The following DROSHA variants were observed in gnomAD, a reference collection of about 807,000 sequenced individuals.
DROSHA encodes the protein drosha ribonuclease III, also known as ribonuclease 3.
DROSHA carries 56 observed loss-of-function variants against 181.9 expected under a neutral mutation model. The observed-to-expected ratio is 0.31, with a 90% CI of 0.25 to 0.38. The LOEUF (loss-of-function observed/expected upper bound fraction) is 0.38, where lower values mean the gene tolerates loss of function less well. DROSHA is among the 10% of genes least tolerant of loss of function. DROSHA has a pLI of 1.00. For synonymous variants in DROSHA, 524 were observed against 591.2 expected, an observed-to-expected ratio of 0.89 and a Z score of 1.65; for missense variants, 1,218 against 1,743.5, an observed-to-expected ratio of 0.70 and a Z score of 5.37.
intron 2 of DROSHA, among the ~76,000 whole-genome samples, 191 bp from the exon 3 acceptor site, chr5:31,531,115 C>T (rs1330406072): frequency 6.6e-6 from 1 of 152,140 alleles, no homozygotes; most frequent in Non-Finnish European, 1.5e-5. Context: ...GATAATAAGA[C>T]ACACAGCCTG....
intron 25 of DROSHA, among the ~76,000 whole-genome samples, chr5:31,435,186 A>T (rs1031053055): frequency 2.0e-5 from 3 of 152,238 alleles, no homozygotes; most frequent in African/African-American, 7.2e-5. Flanking sequence ...ATGGAGATGG[A>T]AACATCAAAT....
chr5:31,496,844 A>C (rs1226816266), intron 11 of DROSHA, among the ~76,000 whole-genome samples: 1 of 152,230 alleles, frequency 6.6e-6, no homozygotes, highest in African/African-American at 2.4e-5. Context: ...GCCAGTGACA[A>C]CTTTCTCACT....
At chr5:31,402,635 A>G (rs1322221128) in intron 35 of DROSHA, among the ~76,000 whole-genome samples, 2 of 152,152 alleles carry the variant, frequency 1.3e-5, no homozygotes, top group Non-Finnish European at 2.9e-5. Context: ...AGGGGAGATG[A>G]CCATATAATA....
intron 20 of DROSHA, among the ~76,000 whole-genome samples, chr5:31,452,429 TC>T (rs1301670933): frequency 2.0e-5 from 3 of 152,184 alleles, no homozygotes; most frequent in African/African-American, 7.2e-5. Flanking sequence ...TTTCCTTCAA[TC>T]CCTTTTCATT....
At chr5:31,513,849 A>T (rs557841515) in intron 8 of DROSHA, among the ~76,000 whole-genome samples, 1 of 152,314 alleles carries the variant, frequency 6.6e-6, no homozygotes, top group Admixed American at 6.5e-5. Flanking sequence ...ACATTACAAC[A>T]TGCCTACTCT....
intron 34 of DROSHA, 150 bp downstream of exon 34, chr5:31,406,703 A>T: frequency 1.5e-6 from 1 of 687,134 alleles, no homozygotes; most frequent in Middle Eastern, 2.7e-4. Flanking sequence ...ATGTGGGGAC[A>T]TTAATTCCTG....
intron 19 of DROSHA, among the ~76,000 whole-genome samples, chr5:31,465,117 C>T (rs2150025104): frequency 6.6e-6 from 1 of 152,270 alleles, no homozygotes; most frequent in East Asian, 1.9e-4. Flanking sequence ...TAGTTCCCTC[C>T]TTTATAAACA....
intron 4 of DROSHA, 58 bp from the exon 5 acceptor site, chr5:31,526,970 A>G: frequency 6.7e-7 from 1 of 1,488,096 alleles, no homozygotes. Context: ...CTTACTATGT[A>G]AACAGGGTTT....
At chr5:31,525,388 C>T (rs1740407969) in intron 5 of DROSHA, among the ~76,000 whole-genome samples, 2 of 147,622 alleles carry the variant, frequency 1.4e-5, no homozygotes, top group South Asian at 4.3e-4. Context: ...CCTGTAATCC[C>T]AGCTACTTGG....
chr5:31,466,746 C>T (rs919427082), intron 18 of DROSHA, among the ~76,000 whole-genome samples: 2 of 152,180 alleles, frequency 1.3e-5, no homozygotes, highest in African/African-American at 4.8e-5. Context: ...ATAGAGAACC[C>T]CATTTGTGCC....
chr5:31,487,137 T>C (rs1264957930), intron 13 of DROSHA, among the ~76,000 whole-genome samples: 1 of 152,218 alleles, frequency 6.6e-6, no homozygotes, highest in Non-Finnish European at 1.5e-5. Context: ...TATTCATTCA[T>C]GTAACCATCA....
At chr5:31,494,113 C>T (rs976744039) in intron 12 of DROSHA, among the ~76,000 whole-genome samples, 14 of 152,098 alleles carry the variant, frequency 9.2e-5, no homozygotes, top group South Asian at 6.2e-4. Flanking sequence ...GGATTACAGG[C>T]GTGCACCACT....
chr5:31,446,695 G>C (rs1746344558), intron 23 of DROSHA, among the ~76,000 whole-genome samples: 1 of 126,512 alleles, frequency 7.9e-6, no homozygotes, highest in Non-Finnish European at 1.6e-5. Flanking sequence ...AAAAAAAAAA[G>C]GTTAAGATGG....
chr5:31,490,861 A>G (rs1210655738), intron 13 of DROSHA, among the ~76,000 whole-genome samples: 2 of 152,152 alleles, frequency 1.3e-5, no homozygotes, highest in African/African-American at 4.8e-5. Flanking sequence ...AATACAAATG[A>G]TAGGGTTTGT....
rs779446613 is a variant in DROSHA, at chr5:31,511,074, G to C, written c.1393C>G (p.Pro465Ala). The C allele has an allele frequency of 6.2e-7, 1 of 1,613,942 alleles. No homozygotes were observed. Among genetic ancestry groups the C allele is most frequent in the Non-Finnish European group, 8.5e-7 (1 of 1,179,876 alleles). The change falls in exon 9 of 36, where the codon CCG (proline) becomes GCG (alanine). Residue 465 changes from proline to alanine, a missense_variant. This residue lies in a region of DROSHA where 460 missense variants were observed against 774.2 expected (regional missense o/e 0.59). Transcript: ENST00000344624. ...AGCTTCGTCTTTGGAGGTTCCCACG[G>C]AGGCCGAGCAGCTTTGGCCTTTTCT... ...RQEKAKAARP[P>A]WEPPKTKLDE...
chr5:31,444,053 G>A (rs1745969031), intron 23 of DROSHA, among the ~76,000 whole-genome samples: 1 of 152,180 alleles, frequency 6.6e-6, no homozygotes, highest in Non-Finnish European at 1.5e-5. Context: ...AATACCAGCA[G>A]GATTTGAGCA....
intron 16 of DROSHA, 97 bp from the exon 17 acceptor site, chr5:31,472,329 G>A (rs1749828400): frequency 2.3e-5 from 31 of 1,341,600 alleles, no homozygotes; most frequent in Non-Finnish European, 2.9e-5. Flanking sequence ...AGACAATGGA[G>A]GAAAAAGAGC....
At chr5:31,449,177 G>T in intron 22 of DROSHA, 104 bp downstream of exon 22, 6 of 1,425,854 alleles carry the variant, frequency 4.2e-6, no homozygotes, top group Non-Finnish European at 5.6e-6. Context: ...AATATGAGAC[G>T]GTGAAAGAGT....
At chr5:31,493,828 C>G (rs1188587545) in intron 12 of DROSHA, among the ~76,000 whole-genome samples, 1 of 152,170 alleles carries the variant, frequency 6.6e-6, no homozygotes, top group East Asian at 1.9e-4. Flanking sequence ...AATTCCCACA[C>G]AAGTTCAAAG....
Sources: gnomAD v4.1 joint callset for allele counts (sites outside exome capture counted in the v4.1 genomes callset) on GRCh38, gnomAD v4.1.1 for gene constraint, gnomAD v4.1.1 regional missense constraint, MANE v1.5 for transcripts, NCBI Gene and HGNC (gene_info 2026-07-23, HGNC 2026-07-21) for gene names.